Variants in PTPRT observed in about 807,000 individuals in gnomAD.
PTPRT encodes receptor-type tyrosine-protein phosphatase T.
PTPRT carries 56 observed loss-of-function variants against 176.8 expected under a neutral mutation model. That is an observed-to-expected ratio of 0.32 (90% confidence interval 0.26 to 0.40). PTPRT has a LOEUF of 0.40. PTPRT is among the 10% of genes least tolerant of loss of function. The pLI, the probability that PTPRT is intolerant of heterozygous loss-of-function variation, is 1.00. For synonymous variants in PTPRT, 783 were observed against 739.0 expected (o/e 1.06, Z -0.96); for missense variants, 1,540 against 1,908.2 (o/e 0.81, Z 3.60).
At chr20:42,430,058 A>T (rs552086319) in intron 9 of PTPRT, among the ~76,000 whole-genome samples, 1 of 152,340 alleles carries the variant, frequency 6.6e-6, no homozygotes, top group South Asian at 2.1e-4. Flanking sequence ...TTTAAATGGT[A>T]CAGTGTCTGT....
chr20:42,568,991 T>C (rs1485128738), intron 7 of PTPRT, among the ~76,000 whole-genome samples: 2 of 130,772 alleles, frequency 1.5e-5, no homozygotes, highest in Admixed American at 8.9e-5. Context: ...GAGGTTGCAG[T>C]GAGCCGAGAT....
the PTPRT span, among the ~76,000 whole-genome samples, chr20:42,032,767 T>TCTCTCTCTCC: frequency 6.6e-6 from 1 of 152,150 alleles, no homozygotes; most frequent in African/African-American, 2.4e-5. Context: ...CTTCTCTCTC[T>TCTCTCTCTCC]CTCTCTCTCC....
chr20:42,836,417 A>T (rs2078181997), intron 2 of PTPRT, among the ~76,000 whole-genome samples: 1 of 152,180 alleles, frequency 6.6e-6, no homozygotes, highest in Non-Finnish European at 1.5e-5. Context: ...ACCCTTGGAC[A>T]TTTCTATTTC....
chr20:42,413,653 T>C (rs1252377494), intron 9 of PTPRT, among the ~76,000 whole-genome samples: 1 of 152,168 alleles, frequency 6.6e-6, no homozygotes, highest in Non-Finnish European at 1.5e-5. Context: ...CATTACCACA[T>C]TAAGAGATCC....
downstream of PTPRT, among the ~76,000 whole-genome samples, chr20:42,071,464 C>T (rs1302741667): frequency 6.6e-6 from 1 of 152,074 alleles, no homozygotes; most frequent in East Asian, 1.9e-4. Flanking sequence ...ATTATAATCA[C>T]CTGGGGCACT....
At chr20:42,784,630 A>C (rs993492460) in intron 3 of PTPRT, among the ~76,000 whole-genome samples, 1 of 152,170 alleles carries the variant, frequency 6.6e-6, no homozygotes, top group African/African-American at 2.4e-5. Context: ...CTAAATCTAC[A>C]GAGTGCCACA....
At chr20:42,276,532 TA>T (rs1568731702) in intron 13 of PTPRT, among the ~76,000 whole-genome samples, 895 of 52,076 alleles carry the variant, frequency 0.017, 60 homozygotes, top group African/African-American at 0.045. Context: ...TATATATATA[TA>T]TATATATATA....
At chr20:42,085,678 T>A (rs746190025) in intron 28 of PTPRT, 50 bp downstream of exon 28, 8 of 1,609,302 alleles carry the variant, frequency 5.0e-6, no homozygotes, top group Non-Finnish European at 5.1e-6. Flanking sequence ...GCAGCCTCCA[T>A]CTGTCTTGGG....
At chr20:42,850,022 A>G (rs2145755776) in intron 2 of PTPRT, among the ~76,000 whole-genome samples, 1 of 152,204 alleles carries the variant, frequency 6.6e-6, no homozygotes, top group Middle Eastern at 3.4e-3. Context: ...GGGGTTCTCA[A>G]CTTTCCCTAT....
chr20:42,508,253 G>T (rs1029830720), intron 7 of PTPRT, among the ~76,000 whole-genome samples: 1 of 151,190 alleles, frequency 6.6e-6, no homozygotes, highest in Non-Finnish European at 1.5e-5. Flanking sequence ...GTTTGGTTTT[G>T]TTTCTAGGAG....
At chr20:42,507,185 C>T (rs146258073) in intron 7 of PTPRT, among the ~76,000 whole-genome samples, 178 of 152,242 alleles carry the variant, frequency 1.2e-3, no homozygotes, top group African/African-American at 4.0e-3. Flanking sequence ...CTGAGAGGAC[C>T]TATAGGGCTA....
chr20:43,119,892 G>A (rs2013193492), intron 1 of PTPRT, among the ~76,000 whole-genome samples: 2 of 152,192 alleles, frequency 1.3e-5, no homozygotes, highest in African/African-American at 4.8e-5. Flanking sequence ...CCAGGCTTGA[G>A]TCTCCAGCAA....
chr20:42,689,053 T>C (rs932090169), intron 6 of PTPRT, among the ~76,000 whole-genome samples: 5 of 152,038 alleles, frequency 3.3e-5, no homozygotes, highest in African/African-American at 1.2e-4. Flanking sequence ...AAGCACTGGG[T>C]AGAAGAGGGT....
chr20:42,704,732 G>T (rs1280527842), intron 6 of PTPRT, among the ~76,000 whole-genome samples: 1 of 151,970 alleles, frequency 6.6e-6, no homozygotes, highest in Non-Finnish European at 1.5e-5. Context: ...CCATCACACC[G>T]AACTGTAATT....
At chr20:43,099,054 C>A (rs2012284843) in intron 1 of PTPRT, among the ~76,000 whole-genome samples, 1 of 152,022 alleles carries the variant, frequency 6.6e-6, no homozygotes, top group Non-Finnish European at 1.5e-5. Context: ...CCTCTTTGTG[C>A]CATGTCTACC....
chr20:42,910,325 C>T (rs190781247), intron 1 of PTPRT, among the ~76,000 whole-genome samples: 43 of 152,286 alleles, frequency 2.8e-4, no homozygotes, highest in Non-Finnish European at 6.0e-4. Flanking sequence ...AGAGCTGTGC[C>T]GCGGTTGGCC....
chr20:42,734,042 G>A (rs151246337), intron 6 of PTPRT, among the ~76,000 whole-genome samples: 4 of 152,320 alleles, frequency 2.6e-5, no homozygotes, highest in East Asian at 1.9e-4. Context: ...GCCCTGAAAC[G>A]CTGTGTCTGA....
At chr20:42,808,556 C>G (rs2077648085) in intron 2 of PTPRT, among the ~76,000 whole-genome samples, 1 of 152,044 alleles carries the variant, frequency 6.6e-6, no homozygotes, top group African/African-American at 2.4e-5. Context: ...GATAGTCAAG[C>G]TAAGGAGCTG....
intron 13 of PTPRT, among the ~76,000 whole-genome samples, chr20:42,276,888 A>G (rs1363883962): frequency 6.6e-6 from 1 of 151,974 alleles, no homozygotes; most frequent in Non-Finnish European, 1.5e-5. Context: ...CAGTCTTAGC[A>G]TCTGTTAAAT....
Sources: gnomAD v4.1 joint callset for allele counts (sites outside exome capture counted in the v4.1 genomes callset) on GRCh38, gnomAD v4.1.1 for gene constraint, MANE v1.5 for transcripts, NCBI Gene and HGNC (gene_info 2026-07-23, HGNC 2026-07-21) for gene names.